Variants in CDKL3 observed in about 807,000 individuals in gnomAD.
The protein encoded by CDKL3 is cyclin dependent kinase like 3, also known as cyclin-dependent kinase-like 3.
In CDKL3, 65 loss-of-function variants were observed where a neutral mutation model predicts 69.3. The observed-to-expected ratio is 0.94, with a 90% confidence interval of 0.77 to 1.15. CDKL3 has a LOEUF of 1.15. CDKL3 is among the 50% of genes most tolerant of loss of function. The pLI is 0.00. For synonymous variants in CDKL3, 202 were observed against 221.6 expected (o/e 0.91, Z 0.79); for missense variants, 652 against 689.2 (o/e 0.95, Z 0.61).
intron 7 of CDKL3, among the ~76,000 whole-genome samples, chr5:134,310,031 A>T (rs1356576819): frequency 1.3e-4 from 20 of 151,772 alleles, no homozygotes; most frequent in Non-Finnish European, 7.4e-5. Flanking sequence ...GGGTTTTGCC[A>T]TGTTGCCCAG....
chr5:134,320,958 G>T (rs922627093), intron 5 of CDKL3, among the ~76,000 whole-genome samples: 1 of 150,412 alleles, frequency 6.6e-6, no homozygotes, highest in Non-Finnish European at 1.5e-5. Context: ...TAATGTTTTG[G>T]TGGCCAAAGC....
downstream of CDKL3, chr5:134,298,132 C>T (rs2149407281): frequency 2.7e-6 from 1 of 370,918 alleles, no homozygotes; most frequent in African/African-American, 2.2e-5. Context: ...TGGTGTTTCA[C>T]CGTGTTGGTC....
chr5:134,304,590 G>A lies in CDKL3; in HGVS notation c.1459-23C>T, dbSNP rs778659814. ...GCTCTAAACAAACAAACAAGAGTTA[G>A]TTGAAGAAATGTGTCTAACTATTTG... On this transcript the variant is annotated intron_variant, in intron 10 of 12. Coordinates refer to ENST00000265334, the MANE Select transcript of CDKL3 (RefSeq NM_001113575.2). 4 of 1,578,222 alleles carry A rather than the reference G, an allele frequency of 2.5e-6. No individual in the cohort carries two copies. The South Asian group carries it at 3.5e-5, about 14-fold the overall frequency.
At chr5:134,304,883 T>C (rs1767366058) in intron 10 of CDKL3, among the ~76,000 whole-genome samples, 1 of 150,718 alleles carries the variant, frequency 6.6e-6, no homozygotes, top group Non-Finnish European at 1.5e-5. Context: ...TCATGACTCA[T>C]TGCAGCGTCA....
chr5:134,312,341 T>C lies in CDKL3; in HGVS notation c.832A>G (p.Ser278Gly), dbSNP rs540353908. ...AAATACTCATGATGCAAAAGATCACTAGATGATATCCTGTCAGCAGGATCA... is the reference window on the plus strand; with the variant it reads ...AAATACTCATGATGCAAAAGATCACCAGATGATATCCTGTCAGCAGGATCA... ...QIDPADRISS[S>G]DLLHHEYFTR... Residue 278 changes from serine (S) to glycine (G), a missense_variant, in exon 7 of 13, where the codon AGT becomes GGT. Ser to Gly is a moderately conservative substitution (Grantham distance 56). Transcript: ENST00000265334. 9.6e-5 allele frequency: 153 copies of C among 1,601,030 alleles called. 1 individual carries two copies. In the South Asian group the frequency reaches 1.6e-3, roughly 17 times the overall value.
chr5:134,356,793 T>TAAATAAAATAA (rs1226044691), intron 3 of CDKL3, among the ~76,000 whole-genome samples: 1 of 151,822 alleles, frequency 6.6e-6, no homozygotes, highest in Admixed American at 6.6e-5. Flanking sequence ...CAAAAATAAA[T>TAAATAAAATAA]AAATAAAATA....
At chr5:134,300,071 G>A (rs1765948210) in intron 12 of CDKL3, among the ~76,000 whole-genome samples, 1 of 152,184 alleles carries the variant, frequency 6.6e-6, no homozygotes, top group Non-Finnish European at 1.5e-5. Context: ...GGGCGTGGTG[G>A]CTCACACCTG....
intron 4 of CDKL3, among the ~76,000 whole-genome samples, chr5:134,327,648 CAGTT>C (rs997256421): frequency 1.3e-5 from 2 of 151,322 alleles, no homozygotes; most frequent in Admixed American, 1.3e-4. Context: ...GGGAATAACA[CAGTT>C]AGGAGATGCT....
chr5:134,368,527 G>A (rs1037314028), upstream of CDKL3, among the ~76,000 whole-genome samples: 1 of 150,656 alleles, frequency 6.6e-6, no homozygotes, highest in Non-Finnish European at 1.5e-5. Flanking sequence ...GCGGAGGCAG[G>A]AGAATGGCGT....
Position 134,345,322 on chromosome 5 carries a change from G to C in CDKL3, c.539+4927C>G, listed in dbSNP as rs145983972. The stretch of plus-strand genomic sequence containing the variant: ...CTGTTTTTAATAAAGACATAATATG[G>C]CTGATACCAGGTCTGGGGCAACAAC... On this transcript the variant is annotated intron_variant, in intron 4 of 12. Coordinates refer to ENST00000265334, the MANE Select transcript of CDKL3 (RefSeq NM_001113575.2). Among the ~76,000 whole-genome samples, 7 of 152,218 alleles carry C rather than the reference G, an allele frequency of 4.6e-5. No homozygotes were observed. The East Asian group carries it at 1.3e-3, about 29-fold the overall frequency.
intron 12 of CDKL3, among the ~76,000 whole-genome samples, chr5:134,300,240 G>A (rs931407944): frequency 6.6e-6 from 1 of 152,110 alleles, no homozygotes; most frequent in African/African-American, 2.4e-5. Flanking sequence ...TCAGGAGGCT[G>A]AGACAGGAAA....
intron 3 of CDKL3, among the ~76,000 whole-genome samples, chr5:134,354,676 C>T (rs1191896939): frequency 3.3e-5 from 5 of 152,130 alleles, no homozygotes; most frequent in African/African-American, 7.2e-5. Flanking sequence ...GAGCCGGGCG[C>T]GGTGGCTCAC....
intron 3 of CDKL3, among the ~76,000 whole-genome samples, chr5:134,355,235 GAAAAA>G (rs60153337): frequency 1.2e-4 from 9 of 74,440 alleles, no homozygotes; most frequent in Non-Finnish European, 2.0e-4. Flanking sequence ...TCTGTCTCAG[GAAAAA>G]AAAAAAAAAA....
intron 4 of CDKL3, among the ~76,000 whole-genome samples, chr5:134,330,924 G>C (rs1775629825): frequency 6.6e-6 from 1 of 152,152 alleles, no homozygotes; most frequent in African/African-American, 2.4e-5. Flanking sequence ...TTCGTCTTCA[G>C]GATAATGTTA....
At chr5:134,335,343 G>A (rs978377828) in intron 4 of CDKL3, among the ~76,000 whole-genome samples, 13 of 152,094 alleles carry the variant, frequency 8.5e-5, no homozygotes, top group African/African-American at 3.1e-4. Flanking sequence ...ATATTATTAT[G>A]TGTGAATTTG....
At chr5:134,346,553 G>T (rs1751926061) in intron 4 of CDKL3, among the ~76,000 whole-genome samples, 1 of 152,162 alleles carries the variant, frequency 6.6e-6, no homozygotes, top group South Asian at 2.1e-4. Context: ...CTGAGGTGCT[G>T]CGGTGCGATC....
At chr5:134,319,806 G>A (rs1025974910) in intron 5 of CDKL3, among the ~76,000 whole-genome samples, 2 of 152,232 alleles carry the variant, frequency 1.3e-5, no homozygotes, top group South Asian at 2.1e-4. Context: ...CAACTTTTAC[G>A]CATTTCCATA....
intron 4 of CDKL3, among the ~76,000 whole-genome samples, chr5:134,328,931 A>T (rs975286807): frequency 2.1e-4 from 32 of 152,332 alleles, no homozygotes; most frequent in African/African-American, 7.7e-4. Context: ...GGTGAAAGTT[A>T]AGACTTTCCA....
At chr5:134,339,973 G>C (rs1324921687) in intron 4 of CDKL3, among the ~76,000 whole-genome samples, 3 of 151,950 alleles carry the variant, frequency 2.0e-5, no homozygotes, top group African/African-American at 4.8e-5. Context: ...GTAACACAGT[G>C]AGACCTCGTC....
Sources: gnomAD v4.1 joint callset for allele counts (sites outside exome capture counted in the v4.1 genomes callset) on GRCh38, gnomAD v4.1.1 for gene constraint, MANE v1.5 for transcripts, NCBI Gene and HGNC (gene_info 2026-07-23, HGNC 2026-07-21) for gene names.